The following THAP4 variants were observed in gnomAD, a reference collection of about 807,000 sequenced individuals.
THAP4 encodes the protein peroxynitrite isomerase THAP4.
THAP4 carries 18 observed loss-of-function variants against 48.1 expected under a neutral mutation model. That is an observed-to-expected ratio of 0.37 (90% CI 0.26 to 0.56). The LOEUF (loss-of-function observed/expected upper bound fraction) is 0.56. Among genes scored for constraint, THAP4 ranks in the 20% least tolerant of loss-of-function variants. The pLI is 0.78. For synonymous variants in THAP4, 345 were observed against 324.9 expected (o/e 1.06, Z -0.66); for missense variants, 656 against 774.9 (o/e 0.85, Z 1.82).
intron 5 of THAP4, among the ~76,000 whole-genome samples, chr2:241,585,439 T>C (rs1026959093): frequency 6.6e-6 from 1 of 152,158 alleles, no homozygotes; most frequent in African/African-American, 2.4e-5. Flanking sequence ...AACGGAGTTC[T>C]GCTTATGGCC....
intron 2 of THAP4, among the ~76,000 whole-genome samples, chr2:241,630,405 G>A (rs746714502): frequency 2.6e-5 from 4 of 152,172 alleles, no homozygotes; most frequent in Non-Finnish European, 2.9e-5. Flanking sequence ...GAGACACGAA[G>A]GGCTGGCTGT....
intron 2 of THAP4, among the ~76,000 whole-genome samples, chr2:241,620,360 C>T (rs1575034488): frequency 3.8e-5 from 2 of 52,196 alleles, no homozygotes; most frequent in African/African-American, 8.1e-5. Flanking sequence ...GTGAGTGAGT[C>T]GGTGAGTGAG....
Position 241,609,772 on chromosome 2 carries a change from G to C in THAP4, c.1241-3299C>G, listed in dbSNP as rs369369756. On this transcript the variant is annotated intron_variant, in intron 2 of 5. Transcript: ENST00000407315. The stretch of plus-strand genomic sequence containing the variant: ...ACTGCTCTCCAGCCTGGGCGACAGA[G>C]ACGTTTTCTCAAAAAAAAAAAAAGA... 3.9e-3 allele frequency among the ~76,000 whole-genome samples: 568 copies of C among 146,240 alleles called. 2 individuals are homozygous for C. The highest frequency in any genetic ancestry group is 0.014 in the African/African-American group (533 of 38,788).
At chr2:241,596,424 T>G (rs1400196204) in intron 5 of THAP4, among the ~76,000 whole-genome samples, 1 of 148,058 alleles carries the variant, frequency 6.8e-6, no homozygotes, top group African/African-American at 2.5e-5. Context: ...GGAGAACCAC[T>G]TGAACCTGGG....
chr2:241,620,866 G>A (rs556711305), intron 2 of THAP4, among the ~76,000 whole-genome samples: 11 of 152,038 alleles, frequency 7.2e-5, no homozygotes, highest in African/African-American at 2.7e-4. Context: ...CATGGTGTAT[G>A]TGGTCTGTCA....
At chr2:241,614,281 A>T (rs1359868620) in intron 2 of THAP4, among the ~76,000 whole-genome samples, 2 of 152,234 alleles carry the variant, frequency 1.3e-5, no homozygotes, top group African/African-American at 2.4e-5. Flanking sequence ...GCTGGGCAAT[A>T]AGCAATAAGG....
In THAP4 at chr2:241,633,461, G is replaced by A. The variant is rs376008087; in HGVS notation, c.696C>T (p.Ile232=). The A allele has an allele frequency of 1.4e-5, 23 of 1,613,930 alleles. No homozygotes were observed. Among genetic ancestry groups the A allele is most frequent in the East Asian group, 2.2e-5 (1 of 44,882 alleles). ...TPPGSGACKF[I]GSLHSYSFSS... is the part of the protein sequence containing the mutation. The stretch of plus-strand genomic sequence containing the variant: ...AGAAACTGTACGAATGAAGTGAGCC[G>A]ATAAATTTGCACGCCCCAGATCCTG... Residue 232 remains isoleucine (I), a synonymous_variant, in exon 2 of 6, where the codon ATC becomes ATT. Transcript: ENST00000407315. This position sits in a 1 kb window ranked among gnomAD's most constrained non-coding sequence, Gnocchi z 7.5.
chr2:241,611,581 G>A (rs1183125359), intron 2 of THAP4, among the ~76,000 whole-genome samples: 1 of 151,996 alleles, frequency 6.6e-6, no homozygotes, highest in Non-Finnish European at 1.5e-5. Context: ...AAAACTAGCC[G>A]GGCGTGGTGG....
At chr2:241,603,162 G>A in intron 3 of THAP4, 83 bp from the exon 4 acceptor site, 1 of 1,132,832 alleles carries the variant, frequency 8.8e-7, no homozygotes, top group South Asian at 1.3e-5. Context: ...ACTGTCCAGG[G>A]TGCCCTCCAG....
intron 4 of THAP4, among the ~76,000 whole-genome samples, chr2:241,602,495 G>C (rs1024074345): frequency 1.3e-5 from 2 of 152,066 alleles, no homozygotes; most frequent in Admixed American, 1.3e-4. Flanking sequence ...CTCCCAAGTG[G>C]CTTGGGATTA....
chr2:241,622,185 C>G (rs768652389), intron 2 of THAP4, among the ~76,000 whole-genome samples: 1 of 152,158 alleles, frequency 6.6e-6, no homozygotes, highest in Non-Finnish European at 1.5e-5. Flanking sequence ...GTCTGGCCAA[C>G]GTGGTGAATC....
At chr2:241,615,713 G>A (rs1034667858) in intron 2 of THAP4, among the ~76,000 whole-genome samples, 5 of 152,234 alleles carry the variant, frequency 3.3e-5, no homozygotes, top group Non-Finnish European at 5.9e-5. Flanking sequence ...GAGAGGGCTG[G>A]AGCCACACAC....
At position 241,633,410 on chromosome 2, in the gene THAP4, T is replaced by C; in HGVS notation, c.747A>G (p.Pro249=). The change falls in exon 2 of 6, where the codon CCA becomes CCG. Residue 249 remains proline, a synonymous_variant. Transcript: ENST00000407315. This position sits in a 1 kb window ranked among gnomAD's most constrained non-coding sequence, Gnocchi z 7.5. ...SFSSKHTRER[P]SVPREPIDRK... Reference sequence around the variant, plus strand: ...GGTCAATGGGCTCTCGGGGGACAGATGGCCTTTCTCGGGTGTGCTTAGAGG... The same window carrying C: ...GGTCAATGGGCTCTCGGGGGACAGACGGCCTTTCTCGGGTGTGCTTAGAGG... 1.2e-6 allele frequency: 2 copies of C among 1,613,646 alleles called. No homozygotes were observed. The highest frequency in any genetic ancestry group is 4.5e-5 in the East Asian group (2 of 44,862).
At chr2:241,617,624 T>G (rs2067364329) in intron 2 of THAP4, 1 of 643,290 alleles carries the variant, frequency 1.6e-6, no homozygotes, top group Non-Finnish European at 2.5e-6. Context: ...ATCACAGAAT[T>G]TCAGAGCTGG....
rs1020099881 is a variant in THAP4 at position 241,601,212 on chromosome 2, T to G, written c.1614+684A>C. On this transcript the variant is annotated intron_variant, in intron 5 of 5. Coordinates refer to ENST00000407315, the MANE Select transcript of THAP4 (RefSeq NM_015963.6). This position sits in a 1 kb window ranked among gnomAD's most constrained non-coding sequence, Gnocchi z 4.0. The stretch of plus-strand genomic sequence containing the variant: ...AGAATCGCTTGAACCTGAGAGGCGG[T>G]GGTTGCGATGAGCCGAGATCCCACC... Among the ~76,000 whole-genome samples the G allele has an allele frequency of 2.6e-5, 4 of 151,620 alleles. No individual in the cohort carries two copies. The highest frequency in any genetic ancestry group is 9.7e-5 in the African/African-American group (4 of 41,234).
At position 241,602,011 on chromosome 2, in the gene THAP4, G is replaced by A. The variant is rs750862727; in HGVS notation, c.1511-12C>T. ...CACTTCCACCACGCCTGCAAGGGAAGGGCAGTCAGCTCACCCAGCAGCTGC... is the reference window on the plus strand; with the variant it reads ...CACTTCCACCACGCCTGCAAGGGAAAGGCAGTCAGCTCACCCAGCAGCTGC... On this transcript the variant is annotated splice_polypyrimidine_tract_variant and intron_variant, in intron 4 of 5. Coordinates refer to ENST00000407315, the MANE Select transcript of THAP4 (RefSeq NM_015963.6). 2 of 1,609,230 alleles carry A rather than the reference G, an allele frequency of 1.2e-6. No homozygotes were observed. Among genetic ancestry groups the A allele is most frequent in the Non-Finnish European group, 1.7e-6 (2 of 1,178,486 alleles).
chr2:241,624,112 G>A (rs1019248136), intron 2 of THAP4, among the ~76,000 whole-genome samples: 1 of 152,184 alleles, frequency 6.6e-6, no homozygotes, highest in Non-Finnish European at 1.5e-5. Context: ...CTTTCCCTGG[G>A]TTTGATAATC....
At chr2:241,597,919 A>G (rs1299019700) in intron 5 of THAP4, among the ~76,000 whole-genome samples, 1 of 152,030 alleles carries the variant, frequency 6.6e-6, no homozygotes, top group Non-Finnish European at 1.5e-5. Flanking sequence ...AAAAAGAGCC[A>G]CTTTTTGTTA....
chr2:241,606,873 C>G (rs912596644), intron 2 of THAP4, among the ~76,000 whole-genome samples: 5 of 152,144 alleles, frequency 3.3e-5, no homozygotes, highest in Non-Finnish European at 5.9e-5. Flanking sequence ...TCCTTGTGAC[C>G]CCAAATAGCT....
Sources: gnomAD v4.1 joint callset for allele counts (sites outside exome capture counted in the v4.1 genomes callset) on GRCh38, gnomAD v4.1.1 for gene constraint, Gnocchi (gnomAD v3.1) non-coding constraint, MANE v1.5 for transcripts, NCBI Gene and HGNC (gene_info 2026-07-23, HGNC 2026-07-21) for gene names.